KIF13A: variants seen among roughly 807,000 people sequenced by gnomAD.
The protein encoded by KIF13A is kinesin family member 13A.
KIF13A carries 79 observed loss-of-function variants against 212.2 expected under a neutral mutation model. The ratio of observed to expected loss-of-function variants is 0.37; its 90% confidence interval spans 0.31 to 0.45. KIF13A has a LOEUF of 0.45. Among genes scored for constraint, KIF13A ranks in the 20% least tolerant of loss-of-function variants. The pLI is 1.00. For synonymous variants in KIF13A, 789 were observed against 808.6 expected, an observed-to-expected ratio of 0.98 and a Z score of 0.41; for missense variants, 1,901 against 2,209.0, an observed-to-expected ratio of 0.86 and a Z score of 2.79.
intron 2 of KIF13A, among the ~76,000 whole-genome samples, chr6:17,908,295 T>C (rs74819634): frequency 0.019 from 2,944 of 152,264 alleles, 42 homozygotes; most frequent in Non-Finnish European, 0.031. Flanking sequence ...ATTATATTGT[T>C]GACAGATTTA....
In KIF13A at chr6:17,777,644, A is replaced by G. The variant is rs1177517367; in HGVS notation, c.4093-290T>C. Among the ~76,000 whole-genome samples the G allele has an allele frequency of 3.3e-5, 5 of 152,112 alleles. No homozygotes were observed. The highest frequency in any genetic ancestry group is 5.9e-5 in the Non-Finnish European group (4 of 68,018). On this transcript the variant is annotated intron_variant, in intron 33 of 38. Transcript: ENST00000259711. The surrounding 1 kb of genome is among the most constrained non-coding windows in gnomAD (Gnocchi z 4.4). ...GGCAATCTGCCCACGTCGGCCTCCCAAAGTGTTAGGATTACAGGCGTGAGC... is the reference window on the plus strand; with the variant it reads ...GGCAATCTGCCCACGTCGGCCTCCCGAAGTGTTAGGATTACAGGCGTGAGC...
rs1183188581 is a variant in KIF13A at position 17,947,748 on chromosome 6, G to A, written c.146+39306C>T. On this transcript the variant is annotated intron_variant, in intron 2 of 38. Transcript: ENST00000259711. The surrounding 1 kb of genome is among the most constrained non-coding windows in gnomAD (Gnocchi z 4.6). ...CCCAGCTACTCAAGAGGCTGAGGCA[G>A]GAGAATCACTTGAACCTAAGAAGTG... is the stretch of plus-strand genomic sequence containing the variant. Among the ~76,000 whole-genome samples the A allele has an allele frequency of 1.3e-5, 2 of 152,156 alleles. No individual in the cohort carries two copies. Among genetic ancestry groups the A allele is most frequent in the Non-Finnish European group, 2.9e-5 (2 of 68,024 alleles).
rs1196842752 is a variant in KIF13A at position 17,932,050 on chromosome 6, CTGAATAAGAAACTCTAGGGG to C, written c.147-33890_147-33871del. Among the ~76,000 whole-genome samples the C allele has an allele frequency of 2.0e-5, 3 of 152,122 alleles. No individual in the cohort carries two copies. The East Asian group carries it at 5.8e-4, about 29-fold the overall frequency. On this transcript the variant is annotated intron_variant, in intron 2 of 38. Coordinates refer to ENST00000259711, the MANE Select transcript of KIF13A (RefSeq NM_022113.6). ...ATGCTTGAGCCCCACTGCAGACCTA[CTGAATAAGAAACTCTAGGGG>C]AAGACACAGCAATCTGTGTTTTAAT...
intron 25 of KIF13A, among the ~76,000 whole-genome samples, chr6:17,790,220 T>C (rs762771889): frequency 2.6e-5 from 4 of 151,942 alleles, no homozygotes. Context: ...TGGGCAACAA[T>C]AGCAAGACCC....
rs969571329 is a variant in KIF13A, at chr6:17,829,359, G to A, written c.1402-989C>T. ...ATGCGTGATAAAATGAGAGAGCAGA[G>A]CCAAACAACATGTTCGTGTTTATAT... On this transcript the variant is annotated intron_variant, in intron 13 of 38. Transcript: ENST00000259711. This position sits in a 1 kb window ranked among gnomAD's most constrained non-coding sequence, Gnocchi z 5.4. Among the ~76,000 whole-genome samples the A allele has an allele frequency of 1.3e-5, 2 of 152,162 alleles. No individual in the cohort carries two copies. The highest frequency in any genetic ancestry group is 4.8e-5 in the African/African-American group (2 of 41,440).
chr6:17,935,529 A>C (rs1776379907), intron 2 of KIF13A, among the ~76,000 whole-genome samples: 1 of 152,198 alleles, frequency 6.6e-6, no homozygotes, highest in Admixed American at 6.5e-5. Flanking sequence ...CAAGCAACCA[A>C]GTGACTCTAA....
chr6:17,793,755 AAT>A (rs1761805979), intron 25 of KIF13A, among the ~76,000 whole-genome samples: 1 of 151,998 alleles, frequency 6.6e-6, no homozygotes, highest in African/African-American at 2.4e-5. Context: ...CTCTACAAAA[AAT>A]AAAAGAATCA....
Position 17,828,225 on chromosome 6 carries a change from A to G in KIF13A, c.1532+15T>C, listed in dbSNP as rs1042612918. 5.6e-6 allele frequency: 9 copies of G among 1,608,558 alleles called. No individual in the cohort carries two copies. The highest frequency in any genetic ancestry group is 1.3e-5 in the African/African-American group (1 of 74,850). Reference sequence around the variant, plus strand: ...GGCACACAAGACACGTGAAGTCACCATTTACTTTTCTTACCTTGCATTTTC... The same window carrying G: ...GGCACACAAGACACGTGAAGTCACCGTTTACTTTTCTTACCTTGCATTTTC... On this transcript the variant is annotated intron_variant, in intron 14 of 38. Transcript: ENST00000259711. This position sits in a 1 kb window ranked among gnomAD's most constrained non-coding sequence, Gnocchi z 4.3.
At chr6:17,858,887 A>G (rs892211347) in intron 4 of KIF13A, among the ~76,000 whole-genome samples, 1 of 152,238 alleles carries the variant, frequency 6.6e-6, no homozygotes, top group Non-Finnish European at 1.5e-5. Context: ...TTCAATTCAT[A>G]TTTAGTAACT....
chr6:17,821,964 C>T (rs1242380263), intron 16 of KIF13A: 5 of 1,526,730 alleles, frequency 3.3e-6, no homozygotes, highest in Non-Finnish European at 1.8e-6. Context: ...TCAGCACTTG[C>T]ATCAGAGACT....
At chr6:17,805,881 G>A (rs1762898226) in intron 18 of KIF13A, among the ~76,000 whole-genome samples, 1 of 149,924 alleles carries the variant, frequency 6.7e-6, no homozygotes, top group Non-Finnish European at 1.5e-5. Flanking sequence ...TTGATATTGT[G>A]ATCATTTTTC....
chr6:17,976,572 C>T (rs1392412729), intron 2 of KIF13A, among the ~76,000 whole-genome samples: 1 of 152,194 alleles, frequency 6.6e-6, no homozygotes, highest in Non-Finnish European at 1.5e-5. Flanking sequence ...GCCTCTCCCT[C>T]CACACCTCCC....
At position 17,831,091 on chromosome 6, in the gene KIF13A, G is replaced by T. The variant is rs752223132; in HGVS notation, c.1401+10C>A. The T allele has an allele frequency of 1.2e-6, 2 of 1,608,154 alleles. No homozygotes were observed. Among genetic ancestry groups the T allele is most frequent in the East Asian group, 2.2e-5 (1 of 44,862 alleles). On this transcript the variant is annotated intron_variant, in intron 13 of 38. Transcript: ENST00000259711. ...ATCTTGATTGCATATGTATTTATATGTTCTCCTACCTTTAAATAATAAACC... is the reference window on the plus strand; with the variant it reads ...ATCTTGATTGCATATGTATTTATATTTTCTCCTACCTTTAAATAATAAACC...
rs1324206398 is a variant in KIF13A, at chr6:17,783,408, C to T, written c.3544+238G>A. ...TACTTTCCAGGGTAATTTCTATGTC[C>T]ACTGTTTCAGAGCAACTGTGCTAAT... On this transcript the variant is annotated intron_variant, in intron 29 of 38. Coordinates refer to ENST00000259711, the MANE Select transcript of KIF13A (RefSeq NM_022113.6). This position sits in a 1 kb window ranked among gnomAD's most constrained non-coding sequence, Gnocchi z 4.3. Among the ~76,000 whole-genome samples the T allele has an allele frequency of 6.6e-6, 1 of 152,218 alleles. No individual in the cohort carries two copies. Among genetic ancestry groups the T allele is most frequent in the Admixed American group, 6.5e-5 (1 of 15,284 alleles).
chr6:17,907,538 G>A (rs1169309757), intron 2 of KIF13A, among the ~76,000 whole-genome samples: 1 of 150,908 alleles, frequency 6.6e-6, no homozygotes, highest in Non-Finnish European at 1.5e-5. Flanking sequence ...CCTCCAAGAA[G>A]GAAAGGCATT....
intron 22 of KIF13A, among the ~76,000 whole-genome samples, chr6:17,798,872 A>G (rs1762256926): frequency 6.6e-6 from 1 of 152,220 alleles, no homozygotes; most frequent in Non-Finnish European, 1.5e-5. Flanking sequence ...CTTACATGTT[A>G]AGATGCGCAA....
At chr6:17,853,877 C>T (rs1767899086) in intron 6 of KIF13A, among the ~76,000 whole-genome samples, 1 of 151,816 alleles carries the variant, frequency 6.6e-6, no homozygotes, top group African/African-American at 2.4e-5. Context: ...GTGAGCTTCA[C>T]AATTATTGGT....
intron 3 of KIF13A, among the ~76,000 whole-genome samples, chr6:17,874,067 A>G (rs529490334): frequency 2.0e-5 from 3 of 152,302 alleles, no homozygotes; most frequent in Admixed American, 2.0e-4. Flanking sequence ...TTCTCTCGCA[A>G]GTCCATGGTT....
intron 9 of KIF13A, among the ~76,000 whole-genome samples, chr6:17,844,767 G>C (rs1766854444): frequency 6.6e-6 from 1 of 152,178 alleles, no homozygotes; most frequent in Non-Finnish European, 1.5e-5. Context: ...TAATTCACAT[G>C]TATGGACTCC....
Sources: allele counts gnomAD v4.1 joint callset (sites outside exome capture counted in the v4.1 genomes callset), GRCh38; gene constraint gnomAD v4.1.1; non-coding constraint Gnocchi (gnomAD v3.1); transcripts MANE v1.5; gene names NCBI Gene and HGNC (gene_info 2026-07-23, HGNC 2026-07-21).